KIAA1586: variants seen among roughly 807,000 people sequenced by gnomAD.
The protein encoded by KIAA1586 is KIAA1586, also known as E3 SUMO-protein ligase KIAA1586.
A neutral mutation model predicts 6.1 loss-of-function variants in KIAA1586; 5 were observed. That is an observed-to-expected ratio of 0.82 (90% confidence interval 0.43 to 1.73). KIAA1586 has a LOEUF of 1.73. Among genes scored for constraint, KIAA1586 ranks in the 40% most tolerant of loss-of-function variants. The pLI is 0.02. For synonymous variants in KIAA1586, 280 were observed against 301.7 expected (o/e 0.93, Z 0.75); for missense variants, 899 against 878.2 (o/e 1.02, Z -0.30).
chr6:57,052,435 A>G (rs1410556346), intron 3 of KIAA1586, among the ~76,000 whole-genome samples: 12 of 152,280 alleles, frequency 7.9e-5, no homozygotes, highest in African/African-American at 2.6e-4. Flanking sequence ...ATGACCAACC[A>G]TTTTGCTAAT....
In KIAA1586 at chr6:57,053,976, A is replaced by T; in HGVS notation, c.1477A>T (p.Thr493Ser). The T allele has an allele frequency of 6.3e-7, 1 of 1,592,236 alleles. No homozygotes were observed. The highest frequency in any genetic ancestry group is 8.5e-7 in the Non-Finnish European group (1 of 1,172,444). The change falls in exon 4 of 4, where the codon ACT becomes TCT. Residue 493 changes from threonine to serine, a missense_variant. By Grantham distance (58) the Thr-to-Ser change is moderately conservative. Transcript: ENST00000370733. Reference protein sequence around the residue: ...RWAACSLQAATAVWHAYPILY... With the variant: ...RWAACSLQAASAVWHAYPILY... Reference sequence around the variant, plus strand: ...GGCGGCATGTAGTTTACAAGCTGCTACTGCTGTATGGCATGCATATCCTAT... The same window carrying T: ...GGCGGCATGTAGTTTACAAGCTGCTTCTGCTGTATGGCATGCATATCCTAT...
chr6:57,048,766 CTGAT>C (rs1222231410), intron 2 of KIAA1586, among the ~76,000 whole-genome samples: 1 of 152,120 alleles, frequency 6.6e-6, no homozygotes, highest in Non-Finnish European at 1.5e-5. Context: ...TGACACACGT[CTGAT>C]TGATGATCCA....
the KIAA1586 span, among the ~76,000 whole-genome samples, chr6:57,063,861 A>G: frequency 6.6e-6 from 1 of 152,232 alleles, no homozygotes; most frequent in Non-Finnish European, 1.5e-5. Context: ...AGTACTATAA[A>G]ACAATACTAT....
chr6:57,063,193 T>A, the KIAA1586 span, among the ~76,000 whole-genome samples: 2 of 152,204 alleles, frequency 1.3e-5, no homozygotes, highest in Non-Finnish European at 2.9e-5. Context: ...ATTTTTTGGA[T>A]TCTTGAATGA....
chr6:57,049,544 A>T (rs1377465727), intron 2 of KIAA1586, among the ~76,000 whole-genome samples: 1 of 152,198 alleles, frequency 6.6e-6, no homozygotes, highest in African/African-American at 2.4e-5. Context: ...ATATGCTGAA[A>T]GAAAGGAATG....
intron 3 of KIAA1586, among the ~76,000 whole-genome samples, chr6:57,051,388 A>G (rs1828321547): frequency 6.6e-6 from 1 of 151,794 alleles, no homozygotes; most frequent in African/African-American, 2.4e-5. Flanking sequence ...ATTTCCTACT[A>G]TCTGTGCACT....
chr6:57,049,404 A>C (rs1032217584), intron 2 of KIAA1586, among the ~76,000 whole-genome samples: 1 of 152,012 alleles, frequency 6.6e-6, no homozygotes, highest in African/African-American at 2.4e-5. Flanking sequence ...AAAGTTTGTT[A>C]CTTCTTGATA....
chr6:57,066,604 C>G, the KIAA1586 span, among the ~76,000 whole-genome samples: 1 of 152,142 alleles, frequency 6.6e-6, no homozygotes, highest in South Asian at 2.1e-4. Context: ...GGGGCTGGAA[C>G]TGACTTGTTA....
At chr6:57,062,504 G>A in the KIAA1586 span, among the ~76,000 whole-genome samples, 1,653 of 152,268 alleles carry the variant, frequency 0.011, 19 homozygotes, top group Non-Finnish European at 0.018. Flanking sequence ...TCAATTTTCT[G>A]TGGAGTGACT....
At chr6:57,052,372 T>C (rs1442086374) in intron 3 of KIAA1586, among the ~76,000 whole-genome samples, 1 of 152,136 alleles carries the variant, frequency 6.6e-6, no homozygotes, top group African/African-American at 2.4e-5. Flanking sequence ...GACTTGAGCA[T>C]GGGAGGATTT....
chr6:57,063,616 T>C, the KIAA1586 span, among the ~76,000 whole-genome samples: 1 of 151,794 alleles, frequency 6.6e-6, no homozygotes. Flanking sequence ...ACCACAGTTG[T>C]CTAATTTTTG....
At chr6:57,048,387 A>G (rs1237521704) in intron 2 of KIAA1586, among the ~76,000 whole-genome samples, 1 of 152,180 alleles carries the variant, frequency 6.6e-6, no homozygotes, top group Non-Finnish European at 1.5e-5. Flanking sequence ...CTCCCTAAAC[A>G]TTGTTTTGTT....
rs750286860 is a variant in KIAA1586, at chr6:57,053,742, A to G, written c.1243A>G (p.Ile415Val). The G allele has an allele frequency of 1.3e-5, 21 of 1,609,094 alleles. No individual in the cohort carries two copies. The East Asian group carries it at 4.7e-4, about 36-fold the overall frequency. Residue 415 changes from isoleucine to valine, a missense_variant, in exon 4 of 4, where the codon ATT becomes GTT. Physicochemically the swap from Ile to Val is conservative, Grantham distance 29. Transcript: ENST00000370733. ...KLLENFPEII[I>V]WNCLNHRLQL... ...GTTAGAAAATTTTCCTGAAATCATC[A>G]TTTGGAACTGTTTAAATCATCGATT... is the stretch of plus-strand genomic sequence containing the variant.
chr6:57,057,142 C>T (rs1167704288), downstream of KIAA1586, among the ~76,000 whole-genome samples: 1 of 151,330 alleles, frequency 6.6e-6, no homozygotes, highest in East Asian at 2.0e-4. Context: ...GCAGGAGAAT[C>T]GCTTGAACAC....
Position 57,053,710 on chromosome 6 carries a change from C to T in KIAA1586, c.1211C>T (p.Thr404Ile), listed in dbSNP as rs539611673. The change falls in exon 4 of 4, where the codon ACA (threonine) becomes ATA (isoleucine). Residue 404 changes from threonine (T) to isoleucine (I), a missense_variant. Coordinates refer to ENST00000370733, the MANE Select transcript of KIAA1586 (RefSeq NM_020931.4). ...TILGRKSGVATKLLENFPEII... is the reference protein window; with the variant it reads ...TILGRKSGVAIKLLENFPEII... ...CTGGGAAGAAAGTCTGGAGTAGCTACAAAATTGTTAGAAAATTTTCCTGAA... is the reference window on the plus strand; with the variant it reads ...CTGGGAAGAAAGTCTGGAGTAGCTATAAAATTGTTAGAAAATTTTCCTGAA... The T allele has an allele frequency of 6.2e-7, 1 of 1,610,686 alleles. No individual in the cohort carries two copies. Among genetic ancestry groups the T allele is most frequent in the South Asian group, 1.1e-5 (1 of 90,682 alleles).
At position 57,053,795 on chromosome 6, in the gene KIAA1586, C is replaced by A; in HGVS notation, c.1296C>A (p.Ser432=). ...AATTGTCACTTGATGATTCTATATCCGAAATAAAACAAATTAATCATTTAA... is the reference window on the plus strand; with the variant it reads ...AATTGTCACTTGATGATTCTATATCAGAAATAAAACAAATTAATCATTTAA... The part of the protein sequence containing the change: ...RLQLSLDDSI[S]EIKQINHLKI... The change falls in exon 4 of 4, where the codon TCC becomes TCA. Residue 432 remains serine, a synonymous_variant. Transcript: ENST00000370733. 5 of 1,534,250 alleles carry A rather than the reference C, an allele frequency of 3.3e-6. No homozygotes were observed. Among genetic ancestry groups the A allele is most frequent in the Non-Finnish European group, 3.5e-6 (4 of 1,134,256 alleles).
chr6:57,050,497 G>A (rs1198924607), intron 2 of KIAA1586, among the ~76,000 whole-genome samples: 1 of 135,592 alleles, frequency 7.4e-6, no homozygotes, highest in Middle Eastern at 3.8e-3. Context: ...TTTTTTTTTT[G>A]TAGAGTTGGT....
In KIAA1586 at chr6:57,054,324, A is replaced by G. The variant is rs149774603; in HGVS notation, c.1825A>G (p.Asn609Asp). Residue 609 changes from asparagine to aspartate, a missense_variant, in exon 4 of 4, where the codon AAT (asparagine) becomes GAT (aspartate). By Grantham distance (23) the Asn-to-Asp change is conservative (BLOSUM62 1). Coordinates refer to ENST00000370733, the MANE Select transcript of KIAA1586 (RefSeq NM_020931.4). ...TCTTCCTAGGAGTATATTACTAGAC[A>G]ATATAATTCAGCACATGAACCTACG... ...NALPRSILLD[N>D]IIQHMNLRLL... The G allele has an allele frequency of 2.5e-6, 4 of 1,588,800 alleles. No individual in the cohort carries two copies. The highest frequency in any genetic ancestry group is 3.4e-6 in the Non-Finnish European group (4 of 1,171,498).
downstream of KIAA1586, among the ~76,000 whole-genome samples, chr6:57,055,863 A>G (rs550400784): frequency 6.6e-6 from 1 of 152,324 alleles, no homozygotes; most frequent in East Asian, 1.9e-4. Context: ...ACAAGCTGCT[A>G]TTTAAGAAAC....
Sources: allele counts gnomAD v4.1 joint callset (sites outside exome capture counted in the v4.1 genomes callset), GRCh38; gene constraint gnomAD v4.1.1; transcripts MANE v1.5; gene names NCBI Gene and HGNC (gene_info 2026-07-23, HGNC 2026-07-21).